NAV2: variants seen among roughly 807,000 people sequenced by gnomAD.
The protein encoded by NAV2 is helicase, APC down-regulated 1.
In NAV2, 54 loss-of-function variants were observed where a neutral mutation model predicts 223.2. That is an observed-to-expected ratio of 0.24 (90% CI 0.19 to 0.30). The LOEUF is 0.30. Ranked by LOEUF, NAV2 falls within the 10% of genes least tolerant of loss-of-function variation. NAV2 has a pLI of 1.00. For missense variants in NAV2, 2,806 were observed against 3,147.5 expected (o/e 0.89, Z 2.60); for synonymous variants, 1,279 against 1,239.3 (o/e 1.03, Z -0.67).
intron 25 of NAV2, chr11:20,082,706 G>A: frequency 8.5e-7 from 1 of 1,179,838 alleles, no homozygotes; most frequent in Non-Finnish European, 1.3e-6. Flanking sequence ...CTTTGTTGCT[G>A]TGTAACCTCA....
chr11:19,687,148 A>G (rs2049045374), intron 1 of NAV2, among the ~76,000 whole-genome samples: 1 of 152,170 alleles, frequency 6.6e-6, no homozygotes, highest in African/African-American at 2.4e-5. Flanking sequence ...GAGATCTAAA[A>G]TTATTATGTT....
In NAV2 at chr11:19,949,934, A is replaced by G. The variant is rs2047247644; in HGVS notation, c.2645+854A>G. 2.0e-5 allele frequency among the ~76,000 whole-genome samples: 3 copies of G among 152,212 alleles called. No homozygotes were observed. The South Asian group carries it at 6.2e-4, about 31-fold the overall frequency. ...CTCTGTGTGCTCATATATGAAGTGA[A>G]GGGGAGTGATGAGATGATGTCTAAG... On this transcript the variant is annotated intron_variant, in intron 10 of 37. Transcript: ENST00000349880.
intron 11 of NAV2, among the ~76,000 whole-genome samples, chr11:20,006,111 G>A (rs553791771): frequency 6.6e-6 from 1 of 152,204 alleles, no homozygotes; most frequent in Non-Finnish European, 1.5e-5. Flanking sequence ...GTATATCCCC[G>A]ACATTACAGA....
At chr11:19,418,107 T>C (rs947073241) in intron 1 of NAV2, among the ~76,000 whole-genome samples, 1 of 152,170 alleles carries the variant, frequency 6.6e-6, no homozygotes, top group Non-Finnish European at 1.5e-5. Flanking sequence ...ATCTCAGAAC[T>C]CAAATTATGA....
chr11:19,495,757 A>G (rs2042774208), intron 1 of NAV2, among the ~76,000 whole-genome samples: 1 of 152,120 alleles, frequency 6.6e-6, no homozygotes, highest in African/African-American at 2.4e-5. Context: ...TTTTATGTGT[A>G]ATTTTATATA....
At chr11:20,086,130 G>C (rs914616949) in intron 26 of NAV2, among the ~76,000 whole-genome samples, 3 of 152,250 alleles carry the variant, frequency 2.0e-5, no homozygotes, top group Non-Finnish European at 2.9e-5. Context: ...AACACGCAAG[G>C]CTTTGAAGTG....
Position 19,776,577 on chromosome 11 carries a change from G to GGTGTGTGTGTGTGTGTGTGT in NAV2, c.268-55895_268-55876dup, listed in dbSNP as rs71050684. On this transcript the variant is annotated intron_variant, in intron 1 of 37. Transcript: ENST00000349880. ...AACGCAGCGTGTGGGCTGGGGCAGGGGTGTGTGTGTGTGTGTGTGTGTGTG... is the reference window on the plus strand; with the variant it reads ...AACGCAGCGTGTGGGCTGGGGCAGGGGTGTGTGTGTGTGTGTGTGTGTGTGTGTGTGTGTGTGTGTGTGTG... Among the ~76,000 whole-genome samples the GGTGTGTGTGTGTGTGTGTGT allele has an allele frequency of 1.6e-4, 19 of 116,180 alleles. 2 individuals are homozygous for GGTGTGTGTGTGTGTGTGTGT. The highest frequency in any genetic ancestry group is 4.4e-3 in the Middle Eastern group (1 of 228). The allele number at this position is 116,180 out of a possible 152,430, so 76.2% of individuals were successfully genotyped here.
At chr11:20,068,230 T>C (rs758798057) in intron 21 of NAV2, 21 bp downstream of exon 21, 12 of 1,613,976 alleles carry the variant, frequency 7.4e-6, no homozygotes, top group Non-Finnish European at 1.0e-5. Flanking sequence ...GCTTTCTGGT[T>C]GGATTTCCTC....
At chr11:19,934,313 T>C (rs748158221) in intron 7 of NAV2, 36 bp downstream of exon 7, 4 of 1,524,040 alleles carry the variant, frequency 2.6e-6, no homozygotes, top group African/African-American at 2.8e-5. Context: ...GCCTGGGACA[T>C]TGGGTAAAAG....
chr11:19,893,759 C>T (rs2041711153), intron 6 of NAV2, among the ~76,000 whole-genome samples: 1 of 152,234 alleles, frequency 6.6e-6, no homozygotes, highest in Non-Finnish European at 1.5e-5. Context: ...AAGACTTTGT[C>T]ATCCAGCCCT....
At chr11:20,093,040 C>T in intron 28 of NAV2, 59 bp from the exon 29 acceptor site, 1 of 1,143,154 alleles carries the variant, frequency 8.7e-7, no homozygotes, top group South Asian at 1.2e-5. Flanking sequence ...GCGGGGGTGT[C>T]AGGAAGCTGG....
rs768333193 is a variant in NAV2, at chr11:19,998,167, G to A, written c.2768+13920G>A. Among the ~76,000 whole-genome samples, 1 of 151,996 alleles carries A rather than the reference G, an allele frequency of 6.6e-6. No individual in the cohort carries two copies. Among genetic ancestry groups the A allele is most frequent in the Non-Finnish European group, 1.5e-5 (1 of 67,994 alleles). On this transcript the variant is annotated intron_variant, in intron 11 of 37. Transcript: ENST00000349880. The surrounding 1 kb of genome is among the most constrained non-coding windows in gnomAD (Gnocchi z 5.0). ...CCTAAGATAATTGATAAGACTGACT[G>A]AAGAGTTTTCCTCCCCCTTTTCCTT...
chr11:19,655,276 G>T (rs888966062), intron 1 of NAV2, among the ~76,000 whole-genome samples: 1 of 152,136 alleles, frequency 6.6e-6, no homozygotes, highest in African/African-American at 2.4e-5. Context: ...AAATAGGAAT[G>T]CTTTTGCACT....
At chr11:19,719,150 G>T (rs1358424949) in intron 1 of NAV2, among the ~76,000 whole-genome samples, 1 of 152,150 alleles carries the variant, frequency 6.6e-6, no homozygotes, top group Non-Finnish European at 1.5e-5. Context: ...ACCACCCAGC[G>T]AGATTTTGGC....
chr11:19,622,825 T>G (rs534561557), intron 1 of NAV2, among the ~76,000 whole-genome samples: 2 of 152,336 alleles, frequency 1.3e-5, no homozygotes, highest in Non-Finnish European at 2.9e-5. Flanking sequence ...AGCTGAGTAT[T>G]TTGCTCGTTA....
chr11:19,947,197 A>G (rs926410036), intron 9 of NAV2, among the ~76,000 whole-genome samples: 2 of 152,226 alleles, frequency 1.3e-5, no homozygotes, highest in African/African-American at 2.4e-5. Context: ...GGCTATGGCA[A>G]GGAAACCACA....
intron 1 of NAV2, among the ~76,000 whole-genome samples, chr11:19,520,937 C>G (rs908372204): frequency 2.6e-4 from 39 of 152,298 alleles, no homozygotes; most frequent in African/African-American, 9.4e-4. Context: ...TTACAGCTCC[C>G]CTGGCCCTCG....
At position 19,948,803 on chromosome 11, in the gene NAV2, C is replaced by T; in HGVS notation, c.2368C>T (p.Pro790Ser). 6.2e-7 allele frequency: 1 copy of T among 1,614,006 alleles called. No homozygotes were observed. Among genetic ancestry groups the T allele is most frequent in the Non-Finnish European group, 8.5e-7 (1 of 1,179,996 alleles). ...GTCCTGGAGACTGGGCCAGTCCAGC[C>T]CTCGGCTCCAAGCAGGAGACGCCCC... ...PLSWRLGQSS[P>S]RLQAGDAPSM... The change falls in exon 10 of 38, where the codon CCT (proline) becomes TCT (serine). Residue 790 changes from proline to serine, a missense_variant. By Grantham distance (74) the Pro-to-Ser change is moderately conservative. Transcript: ENST00000349880.
At chr11:19,807,717 A>G (rs992857772) in intron 1 of NAV2, among the ~76,000 whole-genome samples, 2 of 152,152 alleles carry the variant, frequency 1.3e-5, no homozygotes, top group Non-Finnish European at 2.9e-5. Context: ...CCCACCCACT[A>G]GGTTTGATTG....
Sources: gnomAD v4.1 joint callset for allele counts (sites outside exome capture counted in the v4.1 genomes callset) on GRCh38, gnomAD v4.1.1 for gene constraint, Gnocchi (gnomAD v3.1) non-coding constraint, MANE v1.5 for transcripts, NCBI Gene and HGNC (gene_info 2026-07-23, HGNC 2026-07-21) for gene names.